RBBP4: variants seen among roughly 807,000 people sequenced by gnomAD.
RBBP4 encodes the protein histone-binding protein RBBP4.
Under a neutral mutation model 57.2 loss-of-function variants are expected in RBBP4, and 3 were observed. The ratio of observed to expected loss-of-function variants is 0.05; its 90% CI spans 0.02 to 0.14. The LOEUF is 0.14. RBBP4 is among the 10% of genes least tolerant of loss of function. RBBP4 has a pLI of 1.00. For missense variants in RBBP4, 107 were observed against 520.6 expected, an observed-to-expected ratio of 0.21 and a Z score of 7.73; for synonymous variants, 151 against 171.5, an observed-to-expected ratio of 0.88 and a Z score of 0.93.
chr1:32,670,483 G>T (rs1274362379), intron 8 of RBBP4, among the ~76,000 whole-genome samples: 1 of 152,012 alleles, frequency 6.6e-6, no homozygotes, highest in Non-Finnish European at 1.5e-5. Flanking sequence ...AATAATCACT[G>T]CACTATGTTC....
At chr1:32,677,880 C>T (rs1025129373) in intron 11 of RBBP4, among the ~76,000 whole-genome samples, 3 of 152,114 alleles carry the variant, frequency 2.0e-5, no homozygotes, top group Non-Finnish European at 4.4e-5. Context: ...GTGATATGTG[C>T]ATGGTAGGTG....
intron 3 of RBBP4, among the ~76,000 whole-genome samples, chr1:32,663,333 C>T (rs1648504291): frequency 6.6e-6 from 1 of 152,148 alleles, no homozygotes. Context: ...TGGAGAGAAG[C>T]CAACAAAATA....
At position 32,681,889 on chromosome 1, in the gene RBBP4, C is replaced by G; in HGVS notation, c.*2184C>G. On this transcript the variant is annotated 3_prime_UTR_variant, in exon 12 of 12. Coordinates refer to ENST00000373493, the MANE Select transcript of RBBP4 (RefSeq NM_005610.3). Reference sequence around the variant, plus strand: ...TAAAGTTGAAAGAAAAAGTTTATAACAGTGAACTTCTGAGGTTTAGTTACT... The same window carrying G: ...TAAAGTTGAAAGAAAAAGTTTATAAGAGTGAACTTCTGAGGTTTAGTTACT... The G allele has an allele frequency of 2.5e-6, 4 of 1,597,440 alleles. No individual in the cohort carries two copies. The highest frequency in any genetic ancestry group is 2.6e-6 in the Non-Finnish European group (3 of 1,164,868).
rs1648791812 is a variant in RBBP4, at chr1:32,669,742, T to C, written c.966+179T>C. Among the ~76,000 whole-genome samples the C allele has an allele frequency of 6.6e-6, 1 of 152,002 alleles. No individual in the cohort carries two copies. The highest frequency in any genetic ancestry group is 6.6e-5 in the Admixed American group (1 of 15,238). ...TGTCTCTACTAAAAATATAAAAAAT[T>C]AGCCGGGCATGGTGGCGGATGCCCG... On this transcript the variant is annotated intron_variant, in intron 8 of 11. Transcript: ENST00000373493. This position sits in a 1 kb window ranked among gnomAD's most constrained non-coding sequence, Gnocchi z 4.9.
chr1:32,672,181 T>C (rs1320364573), intron 8 of RBBP4, among the ~76,000 whole-genome samples: 2 of 151,676 alleles, frequency 1.3e-5, no homozygotes, highest in Admixed American at 1.3e-4. Flanking sequence ...GTAGAGACAG[T>C]GTTTCACCAT....
intron 11 of RBBP4, among the ~76,000 whole-genome samples, chr1:32,677,113 CAG>C (rs1429386865): frequency 6.6e-6 from 1 of 152,142 alleles, no homozygotes; most frequent in South Asian, 2.1e-4. Context: ...TCGGAGTTTG[CAG>C]AGTGCTAGGA....
intron 11 of RBBP4, among the ~76,000 whole-genome samples, chr1:32,675,711 G>C (rs1175720764): frequency 6.6e-6 from 1 of 152,140 alleles, no homozygotes; most frequent in Non-Finnish European, 1.5e-5. Flanking sequence ...AGGACTTGCA[G>C]TGAGCCGAGA....
At position 32,651,911 on chromosome 1, in the gene RBBP4, TAGC is replaced by T. The variant is rs777727008; in HGVS notation, c.18_20del (p.Ala7del). On this transcript the variant is annotated splice_acceptor_variant and coding_sequence_variant, in exon 2 of 12. Coordinates refer to ENST00000373493, the MANE Select transcript of RBBP4 (RefSeq NM_005610.3). LOFTEE classifies it high-confidence loss of function. ...AACTTAAATTTGTTTTTAAAAATTT[TAGC>T]AGCCTTCGACGACGCAGTGGAAGAA... is the stretch of plus-strand genomic sequence containing the variant. 1.2e-6 allele frequency: 2 copies of T among 1,613,386 alleles called. No homozygotes were observed. The highest frequency in any genetic ancestry group is 2.2e-5 in the East Asian group (1 of 44,894).
chr1:32,664,354 T>C (rs183696986), intron 3 of RBBP4, among the ~76,000 whole-genome samples: 26 of 152,310 alleles, frequency 1.7e-4, no homozygotes, highest in Non-Finnish European at 2.5e-4. Flanking sequence ...ACCAATGTTA[T>C]GTAGTGGTTA....
In RBBP4 at chr1:32,683,640, TTTTG is replaced by T. The variant is rs756322156; in HGVS notation, c.*3939_*3942del. 6.2e-6 allele frequency: 1 copy of T among 160,334 alleles called. No homozygotes were observed. Among genetic ancestry groups the T allele is most frequent in the Non-Finnish European group, 1.4e-5 (1 of 73,562 alleles). 9.9% of individuals were successfully genotyped at this position (160,334 alleles called of 1,614,324 possible). A position where few individuals can be genotyped will look rare whatever the true frequency, so the allele number is the denominator to read the frequency against. The stretch of plus-strand genomic sequence containing the variant: ...TTTTTGTTGTTTTTGTTTTTTGGGT[TTTTG>T]TTTTGTTTTGAGGCAGTCTCACTCT... On this transcript the variant is annotated 3_prime_UTR_variant, in exon 12 of 12. Transcript: ENST00000373493.
intron 3 of RBBP4, among the ~76,000 whole-genome samples, chr1:32,666,536 T>C (rs1029113825): frequency 6.6e-6 from 1 of 152,120 alleles, no homozygotes; most frequent in Non-Finnish European, 1.5e-5. Flanking sequence ...TTTGTATTTT[T>C]AGTAGAGACG....
rs969519199 is a variant in RBBP4 at position 32,680,238 on chromosome 1, A to G, written c.*533A>G. On this transcript the variant is annotated 3_prime_UTR_variant, in exon 12 of 12. Transcript: ENST00000373493. ...CTCTTGGTTTCTTCAGTTAAGTCAAAACAACACGTTCCTCTTTCCCCATAT... is the reference window on the plus strand; with the variant it reads ...CTCTTGGTTTCTTCAGTTAAGTCAAGACAACACGTTCCTCTTTCCCCATAT... 1.7e-6 allele frequency: 2 copies of G among 1,165,024 alleles called. No homozygotes were observed. Among genetic ancestry groups the G allele is most frequent in the African/African-American group, 3.2e-5 (2 of 62,126 alleles). 72.2% of individuals were successfully genotyped at this position (1,165,024 alleles called of 1,614,324 possible). A position where few individuals can be genotyped will look rare whatever the true frequency, so the allele number is the denominator to read the frequency against.
intron 3 of RBBP4, among the ~76,000 whole-genome samples, chr1:32,665,568 C>G (rs1412571444): frequency 1.3e-5 from 2 of 151,676 alleles, no homozygotes; most frequent in Non-Finnish European, 1.5e-5. Context: ...GTCCCAGCTA[C>G]TCAGGGGGCT....
intron 11 of RBBP4, among the ~76,000 whole-genome samples, chr1:32,676,182 A>G (rs1334270054): frequency 6.6e-6 from 1 of 152,212 alleles, no homozygotes; most frequent in African/African-American, 2.4e-5. Context: ...CTCTAAAGGA[A>G]GAAAAGAAAG....
intron 3 of RBBP4, among the ~76,000 whole-genome samples, chr1:32,666,345 T>A (rs1648644335): frequency 7.2e-6 from 1 of 139,658 alleles, no homozygotes; most frequent in South Asian, 2.4e-4. Context: ...ATTTACACTT[T>A]GAAATTTGAA....
In RBBP4 at chr1:32,669,393, C is replaced by A. The variant is rs756806089; in HGVS notation, c.888+36C>A. On this transcript the variant is annotated intron_variant, in intron 7 of 11. Coordinates refer to ENST00000373493, the MANE Select transcript of RBBP4 (RefSeq NM_005610.3). This position sits in a 1 kb window ranked among gnomAD's most constrained non-coding sequence, Gnocchi z 4.9. The stretch of plus-strand genomic sequence containing the variant: ...TTTATTTTAATAGAAAACATAATTT[C>A]TCTAGGTTTTTTTGAATTGCAGAGA... 1.4e-5 allele frequency: 22 copies of A among 1,573,528 alleles called. No individual in the cohort carries two copies. In the African/African-American group the frequency reaches 2.9e-4, roughly 21 times the overall value.
Position 32,669,202 on chromosome 1 carries a change from T to G in RBBP4, c.762-29T>G. 6.2e-7 allele frequency: 1 copy of G among 1,608,646 alleles called. No individual in the cohort carries two copies. The highest frequency in any genetic ancestry group is 8.5e-7 in the Non-Finnish European group (1 of 1,178,636). ...TTATGTTTAGTCACCATTTCAAGGT[T>G]TTTTTCCTTTGTTTTTTTTTCACTG... is the stretch of plus-strand genomic sequence containing the variant. On this transcript the variant is annotated intron_variant, in intron 6 of 11. Transcript: ENST00000373493. The surrounding 1 kb of genome is among the most constrained non-coding windows in gnomAD (Gnocchi z 4.9).
rs1038628807 is a variant in RBBP4 at position 32,651,534 on chromosome 1, C to T, written c.16+212C>T. On this transcript the variant is annotated intron_variant, in intron 1 of 11. Transcript: ENST00000373493. The stretch of plus-strand genomic sequence containing the variant: ...GCAGCTGGCGAAGCCAGCGGTGGGG[C>T]CCCCGGCCAGTGTTTGTTTCTCTTC... 4 of 1,278,836 alleles carry T rather than the reference C, an allele frequency of 3.1e-6. No homozygotes were observed. The African/African-American group carries it at 6.2e-5, about 20-fold the overall frequency. 79.2% of individuals were successfully genotyped at this position (1,278,836 alleles called of 1,614,324 possible).
At chr1:32,658,325 G>A (rs1204785129) in intron 3 of RBBP4, among the ~76,000 whole-genome samples, 3 of 147,594 alleles carry the variant, frequency 2.0e-5, no homozygotes, top group Non-Finnish European at 4.4e-5. Context: ...GGTGGGGAGG[G>A]AATAGTTCTT....
Sources: allele counts gnomAD v4.1 joint callset (sites outside exome capture counted in the v4.1 genomes callset), GRCh38; gene constraint gnomAD v4.1.1; non-coding constraint Gnocchi (gnomAD v3.1); transcripts MANE v1.5; gene names NCBI Gene and HGNC (gene_info 2026-07-23, HGNC 2026-07-21).